The following AGPAT1 variants were observed in gnomAD, a reference collection of about 807,000 sequenced individuals.
The protein encoded by AGPAT1 is 1-acyl-sn-glycerol-3-phosphate acyltransferase alpha.
Under a neutral mutation model 31.2 loss-of-function variants are expected in AGPAT1, and 6 were observed. That is an observed-to-expected ratio of 0.19 (90% CI 0.11 to 0.38). AGPAT1 has a LOEUF of 0.38. Among genes scored for constraint, AGPAT1 ranks in the 10% least tolerant of loss-of-function variants. The pLI is 1.00. For missense variants in AGPAT1, 187 were observed against 377.8 expected, an observed-to-expected ratio of 0.49 and a Z score of 4.19; for synonymous variants, 139 against 154.0, an observed-to-expected ratio of 0.90 and a Z score of 0.72.
rs1222825307 is a variant in AGPAT1 at position 32,175,678 on chromosome 6, C to G, written c.-10+136G>C. 3.5e-6 allele frequency: 1 copy of G among 283,006 alleles called. No homozygotes were observed. Among genetic ancestry groups the G allele is most frequent in the Non-Finnish European group, 5.3e-6 (1 of 187,540 alleles). 17.5% of individuals were successfully genotyped at this position (283,006 alleles called of 1,614,324 possible). On this transcript the variant is annotated intron_variant, in intron 1 of 6. Coordinates refer to ENST00000375107, the MANE Select transcript of AGPAT1 (RefSeq NM_006411.4). The surrounding 1 kb of genome is among the most constrained non-coding windows in gnomAD (Gnocchi z 4.5). ...TCTCCTATCCCCAGCAACCCTCTTC[C>G]CAGTCGGCCCCTCTCCTTTCCCCAG... is the stretch of plus-strand genomic sequence containing the variant.
chr6:32,177,521 T>C (rs1290217002), upstream of AGPAT1: 1 of 157,120 alleles, frequency 6.4e-6, no homozygotes, highest in Non-Finnish European at 1.4e-5. Context: ...GGGCCTTTAG[T>C]TCAGTTTTGC....
rs763726315 is a variant in AGPAT1 at position 32,170,480 on chromosome 6, G to T, written c.455C>A (p.Thr152Lys). Reference protein sequence around the residue: ...AGVIFIDRKRTGDAISVMSEV... With the variant: ...AGVIFIDRKRKGDAISVMSEV... ...AGACATGACACTGATGGCATCCCCCGTGCGCTTCCGGTCGATGAAGATGAC... is the reference window on the plus strand; with the variant it reads ...AGACATGACACTGATGGCATCCCCCTTGCGCTTCCGGTCGATGAAGATGAC... Residue 152 changes from threonine (T) to lysine (K), a missense_variant, in exon 4 of 7, where the codon ACG becomes AAG. Around this residue, in one of 3 missense-constraint regions of AGPAT1, gnomAD observed 113 missense variants for 283.1 expected, o/e 0.40. Coordinates refer to ENST00000375107, the MANE Select transcript of AGPAT1 (RefSeq NM_006411.4). The surrounding 1 kb of genome is among the most constrained non-coding windows in gnomAD (Gnocchi z 7.7). The T allele has an allele frequency of 1.2e-6, 2 of 1,612,942 alleles. No homozygotes were observed. Among genetic ancestry groups the T allele is most frequent in the Non-Finnish European group, 1.7e-6 (2 of 1,180,052 alleles).
In AGPAT1 at chr6:32,170,929, G is replaced by A. The variant is rs1198102963; in HGVS notation, c.334+8C>T. The A allele has an allele frequency of 6.2e-7, 1 of 1,607,160 alleles. No individual in the cohort carries two copies. The highest frequency in any genetic ancestry group is 8.5e-7 in the Non-Finnish European group (1 of 1,175,810). ...CTGGGGGAGGTGTGCCCTGTGGTGG[G>A]GTCTCACCAAGCAGATCGAGAGAGC... On this transcript the variant is annotated splice_region_variant and intron_variant, in intron 3 of 6. Coordinates refer to ENST00000375107, the MANE Select transcript of AGPAT1 (RefSeq NM_006411.4). The surrounding 1 kb of genome is among the most constrained non-coding windows in gnomAD (Gnocchi z 7.7).
At position 32,170,528 on chromosome 6, in the gene AGPAT1, C is replaced by T; in HGVS notation, c.407G>A (p.Gly136Glu). ...GACTCCTGCCAGCCAGCAGGCCAGC[C>T]CGGCAGAGCCAGCCCACAGTAGCTC... ...KRELLWAGSA[G>E]LACWLAGVIF... The change falls in exon 4 of 7, where the codon GGG (glycine) becomes GAG (glutamate). Residue 136 changes from glycine to glutamate, a missense_variant. Coordinates refer to ENST00000375107, the MANE Select transcript of AGPAT1 (RefSeq NM_006411.4). This position sits in a 1 kb window ranked among gnomAD's most constrained non-coding sequence, Gnocchi z 7.7. 6.2e-7 allele frequency: 1 copy of T among 1,612,998 alleles called. No homozygotes were observed. The highest frequency in any genetic ancestry group is 1.1e-5 in the South Asian group (1 of 91,088).
chr6:32,170,648 C>T lies in AGPAT1; in HGVS notation c.335-48G>A. Reference sequence around the variant, plus strand: ...GAGGATCGGGGTGGAGGCAGAGTGTCACAGAAGGCAACCCACCTCACCCAG... The same window carrying T: ...GAGGATCGGGGTGGAGGCAGAGTGTTACAGAAGGCAACCCACCTCACCCAG... On this transcript the variant is annotated intron_variant, in intron 3 of 6. Coordinates refer to ENST00000375107, the MANE Select transcript of AGPAT1 (RefSeq NM_006411.4). The surrounding 1 kb of genome is among the most constrained non-coding windows in gnomAD (Gnocchi z 7.7). 1 of 1,594,264 alleles carries T rather than the reference C, an allele frequency of 6.3e-7. No homozygotes were observed. The highest frequency in any genetic ancestry group is 8.5e-7 in the Non-Finnish European group (1 of 1,172,368).
At position 32,171,615 on chromosome 6, in the gene AGPAT1, GA is replaced by G; in HGVS notation, c.-9-111del. 1 of 1,410,386 alleles carries G rather than the reference GA, an allele frequency of 7.1e-7. No individual in the cohort carries two copies. The highest frequency in any genetic ancestry group is 9.5e-7 in the Non-Finnish European group (1 of 1,048,598). 87.4% of individuals were successfully genotyped at this position (1,410,386 alleles called of 1,614,324 possible). A position where few individuals can be genotyped will look rare whatever the true frequency, so the allele number is the denominator to read the frequency against. On this transcript the variant is annotated intron_variant, in intron 1 of 6. Coordinates refer to ENST00000375107, the MANE Select transcript of AGPAT1 (RefSeq NM_006411.4). This position sits in a 1 kb window ranked among gnomAD's most constrained non-coding sequence, Gnocchi z 6.9. ...TGGTGCTATGAGGACAAGGGCCTGAGACACAAACTGGGGCAGGGGTCTCATT... is the reference window on the plus strand; with the variant it reads ...TGGTGCTATGAGGACAAGGGCCTGAGCACAAACTGGGGCAGGGGTCTCATT...
At chr6:32,176,446 T>A, upstream of AGPAT1, 1 of 968,746 alleles carries the variant, frequency 1.0e-6, no homozygotes, top group Middle Eastern at 5.3e-4. Context: ...TCCCCCCAAC[T>A]ATTCTTAAGG....
rs747055100 is a variant in AGPAT1 at position 32,170,978 on chromosome 6, T to C, written c.293A>G (p.Tyr98Cys). Residue 98 changes from tyrosine (Y) to cysteine (C), a missense_variant, in exon 3 of 7, where the codon TAT becomes TGT. Tyr to Cys is a radical substitution (Grantham distance 194). Transcript: ENST00000375107. The surrounding 1 kb of genome is among the most constrained non-coding windows in gnomAD (Gnocchi z 7.7). ...GAHHFPPSQP[Y>C]VVVSNHQSSL... ...GCTCTGGTGGTTGGAGACAACAACA[T>C]AGGGCTGCGAGGGAGGGAAGTGGTG... 6.2e-7 allele frequency: 1 copy of C among 1,612,532 alleles called. No homozygotes were observed. Among genetic ancestry groups the C allele is most frequent in the Non-Finnish European group, 8.5e-7 (1 of 1,179,902 alleles).
In AGPAT1 at chr6:32,169,818, G is replaced by GTA; in HGVS notation, c.679+146_679+147dup. ...TCTGGCAGGGTATGGTGGGTGCTTA[G>GTA]TAAAGACTTATTGGCTGATGTGGGG... On this transcript the variant is annotated intron_variant, in intron 6 of 6. Coordinates refer to ENST00000375107, the MANE Select transcript of AGPAT1 (RefSeq NM_006411.4). This position sits in a 1 kb window ranked among gnomAD's most constrained non-coding sequence, Gnocchi z 5.9. 2 of 755,778 alleles carry GTA rather than the reference G, an allele frequency of 2.6e-6. No homozygotes were observed. Among genetic ancestry groups the GTA allele is most frequent in the Non-Finnish European group, 4.4e-6 (2 of 453,220 alleles). The allele number at this position is 755,778 out of a possible 1,614,324, so 46.8% of individuals were successfully genotyped here.
upstream of AGPAT1, chr6:32,176,984 A>G: frequency 2.5e-6 from 1 of 398,386 alleles, no homozygotes; most frequent in Non-Finnish European, 4.4e-6. Context: ...TTATCCCTTT[A>G]CTAGGATCAT....
At chr6:32,177,933 G>A (rs1403809447), upstream of AGPAT1, 2 of 152,458 alleles carry the variant, frequency 1.3e-5, no homozygotes, top group African/African-American at 4.8e-5. Flanking sequence ...GGTGGAAAAA[G>A]AGAAGGTTAA....
In AGPAT1 at chr6:32,169,180, C is replaced by T; in HGVS notation, c.*96G>A. 3 of 1,327,334 alleles carry T rather than the reference C, an allele frequency of 2.3e-6. No individual in the cohort carries two copies. The highest frequency in any genetic ancestry group is 3.2e-6 in the Non-Finnish European group (3 of 950,586). 82.2% of individuals were successfully genotyped at this position (1,327,334 alleles called of 1,614,324 possible). A position where few individuals can be genotyped will look rare whatever the true frequency, so the allele number is the denominator to read the frequency against. On this transcript the variant is annotated 3_prime_UTR_variant, in exon 7 of 7. Coordinates refer to ENST00000375107, the MANE Select transcript of AGPAT1 (RefSeq NM_006411.4). The surrounding 1 kb of genome is among the most constrained non-coding windows in gnomAD (Gnocchi z 5.9). ...GGAGAATAAGTGGGGAGAGGGGAGA[C>T]AAGGAAGAGGGTTTGGCCCTGCTTC...
upstream of AGPAT1, chr6:32,177,038 A>G (rs1785623656): frequency 7.5e-6 from 3 of 397,930 alleles, no homozygotes; most frequent in Non-Finnish European, 1.3e-5. Flanking sequence ...CCCTCTCAAT[A>G]TCTTCCTTCC....
chr6:32,176,800 C>G (rs1054929385), upstream of AGPAT1: 1 of 385,506 alleles, frequency 2.6e-6, no homozygotes, highest in Non-Finnish European at 4.6e-6. Context: ...AACCCCTTCT[C>G]ACAACATACA....
rs554519847 is a variant in AGPAT1 at position 32,170,743 on chromosome 6, G to A, written c.335-143C>T. On this transcript the variant is annotated intron_variant, in intron 3 of 6. Coordinates refer to ENST00000375107, the MANE Select transcript of AGPAT1 (RefSeq NM_006411.4). The surrounding 1 kb of genome is among the most constrained non-coding windows in gnomAD (Gnocchi z 7.7). ...GCAGGGAGGGGGGCCCCAAGTGAAG[G>A]AAAGGGTGACCAAAAGTATATGTAA... The A allele has an allele frequency of 2.7e-5, 35 of 1,294,078 alleles. No homozygotes were observed. The East Asian group carries it at 3.2e-4, about 12-fold the overall frequency. 80.2% of individuals were successfully genotyped at this position (1,294,078 alleles called of 1,614,324 possible). A position where few individuals can be genotyped will look rare whatever the true frequency, so the allele number is the denominator to read the frequency against.
Position 32,170,908 on chromosome 6 carries a change from G to C in AGPAT1, c.334+29C>G. ...GTTTCAGGAGGGGAGGCATGGCTGG[G>C]GGAGGTGTGCCCTGTGGTGGGGTCT... On this transcript the variant is annotated intron_variant, in intron 3 of 6. Transcript: ENST00000375107. The surrounding 1 kb of genome is among the most constrained non-coding windows in gnomAD (Gnocchi z 7.7). 1 of 1,595,912 alleles carries C rather than the reference G, an allele frequency of 6.3e-7. No individual in the cohort carries two copies. The highest frequency in any genetic ancestry group is 8.6e-7 in the Non-Finnish European group (1 of 1,167,604).
chr6:32,176,430 G>T, upstream of AGPAT1: 1 of 920,090 alleles, frequency 1.1e-6, no homozygotes, highest in African/African-American at 1.8e-5. Flanking sequence ...GTTATCTGCT[G>T]CTTATTCCCC....
chr6:32,175,828 G>C lies in AGPAT1; in HGVS notation c.-24C>G, dbSNP rs533166631. 2.6e-5 allele frequency: 26 copies of C among 985,956 alleles called. No individual in the cohort carries two copies. Among genetic ancestry groups the C allele is most frequent in the Admixed American group, 1.2e-4 (2 of 16,294 alleles). 61.1% of individuals were successfully genotyped at this position (985,956 alleles called of 1,614,324 possible). ...CCCGCCCACACCTCAGAGGGGTAGGGGGCCTGGGGGGCTGGCCCCCTCCCC... is the reference window on the plus strand; with the variant it reads ...CCCGCCCACACCTCAGAGGGGTAGGCGGCCTGGGGGGCTGGCCCCCTCCCC... On this transcript the variant is annotated 5_prime_UTR_variant, in exon 1 of 7. Coordinates refer to ENST00000375107, the MANE Select transcript of AGPAT1 (RefSeq NM_006411.4). The surrounding 1 kb of genome is among the most constrained non-coding windows in gnomAD (Gnocchi z 4.5).
At position 32,175,880 on chromosome 6, in the gene AGPAT1, G is replaced by A; in HGVS notation, c.-76C>T. The A allele has an allele frequency of 3.0e-6, 3 of 986,460 alleles. No individual in the cohort carries two copies. The highest frequency in any genetic ancestry group is 3.6e-6 in the Non-Finnish European group (3 of 830,772). The allele number at this position is 986,460 out of a possible 1,614,324, so 61.1% of individuals were successfully genotyped here. ...GCCAGGCTGCGGCAGCGGTGGTGGC[G>A]GATGGCTGTGTCTCTGTCTCTGTCG... On this transcript the variant is annotated 5_prime_UTR_variant, in exon 1 of 7. Coordinates refer to ENST00000375107, the MANE Select transcript of AGPAT1 (RefSeq NM_006411.4). The surrounding 1 kb of genome is among the most constrained non-coding windows in gnomAD (Gnocchi z 4.5).
Sources: gnomAD v4.1 joint callset for allele counts on GRCh38, gnomAD v4.1.1 for gene constraint, gnomAD v4.1.1 regional missense constraint, Gnocchi (gnomAD v3.1) non-coding constraint, MANE v1.5 for transcripts, NCBI Gene and HGNC (gene_info 2026-07-23, HGNC 2026-07-21) for gene names.